Variants in DLC1 observed in about 807,000 individuals in gnomAD.
DLC1 encodes the protein DLC1 Rho GTPase activating protein.
Under a neutral mutation model 140.3 loss-of-function variants are expected in DLC1, and 54 were observed. The observed-to-expected ratio is 0.38, with a 90% CI of 0.31 to 0.48. The LOEUF is 0.48. Among genes scored for constraint, DLC1 ranks in the 20% least tolerant of loss-of-function variants. The probability of loss-of-function intolerance (pLI) is 0.96; values close to 1 mark genes in which losing one functional copy is unlikely to be tolerated. For missense variants in DLC1, 2,536 were observed against 1,907.0 expected, an observed-to-expected ratio of 1.33 and a Z score of -6.14; for synonymous variants, 986 against 728.1, an observed-to-expected ratio of 1.35 and a Z score of -5.70.
intron 2 of DLC1, among the ~76,000 whole-genome samples, chr8:13,441,373 A>T (rs919328721): frequency 1.3e-5 from 2 of 152,200 alleles, no homozygotes; most frequent in Non-Finnish European, 2.9e-5. Flanking sequence ...ATCAGGCAGG[A>T]GAAGGAAATA....
At chr8:13,121,435 C>G (rs966881682) in intron 5 of DLC1, among the ~76,000 whole-genome samples, 1 of 152,130 alleles carries the variant, frequency 6.6e-6, no homozygotes, top group Non-Finnish European at 1.5e-5. Flanking sequence ...TGGGTGGGTT[C>G]CAGAGGGCGT....
At chr8:13,407,634 G>A (rs777105947) in intron 2 of DLC1, among the ~76,000 whole-genome samples, 5 of 152,142 alleles carry the variant, frequency 3.3e-5, no homozygotes, top group Non-Finnish European at 5.9e-5. Context: ...TTGCTTGAAC[G>A]CTTTGCTTGT....
At chr8:13,153,561 A>G (rs1319173215) in intron 5 of DLC1, among the ~76,000 whole-genome samples, 1 of 152,224 alleles carries the variant, frequency 6.6e-6, no homozygotes, top group East Asian at 1.9e-4. Context: ...GGTCCCACCC[A>G]CATCCTGCTG....
chr8:13,420,376 A>G (rs949683274), intron 2 of DLC1, among the ~76,000 whole-genome samples: 1 of 152,128 alleles, frequency 6.6e-6, no homozygotes, highest in Non-Finnish European at 1.5e-5. Context: ...AAGTTCAATT[A>G]TATGAAATTG....
At chr8:13,349,578 G>A (rs961567939) in intron 4 of DLC1, among the ~76,000 whole-genome samples, 1 of 152,152 alleles carries the variant, frequency 6.6e-6, no homozygotes, top group East Asian at 1.9e-4. Context: ...TTCCCTTCCA[G>A]CCCCACTTCA....
At chr8:13,523,195 C>T (rs1370745878) in intron 1 of DLC1, among the ~76,000 whole-genome samples, 1 of 151,976 alleles carries the variant, frequency 6.6e-6, no homozygotes, top group Non-Finnish European at 1.5e-5. Flanking sequence ...TGTGGTAATC[C>T]AGGTGAGAGA....
intron 4 of DLC1, among the ~76,000 whole-genome samples, chr8:13,349,857 A>G (rs1563264): frequency 6.6e-6 from 1 of 152,218 alleles, no homozygotes; most frequent in African/African-American, 2.4e-5. Flanking sequence ...AGTGAGTTGC[A>G]CTTTAGATAT....
chr8:13,453,314 G>T (rs1372098145), intron 2 of DLC1, among the ~76,000 whole-genome samples: 2 of 142,306 alleles, frequency 1.4e-5, no homozygotes, highest in Non-Finnish European at 3.0e-5. Flanking sequence ...TATTCCTTAG[G>T]AGGTGTTTTT....
chr8:13,173,406 T>C (rs1825594265), intron 5 of DLC1, among the ~76,000 whole-genome samples: 1 of 134,806 alleles, frequency 7.4e-6, no homozygotes. Context: ...GGAGTCTTGC[T>C]CTATCTCCAG....
intron 12 of DLC1, 93 bp from the exon 13 acceptor site, chr8:13,092,918 T>C: frequency 7.3e-7 from 1 of 1,368,300 alleles, no homozygotes; most frequent in Non-Finnish European, 1.0e-6. Flanking sequence ...ATCAAATACC[T>C]CAGCCCAGTA....
Position 13,582,694 on chromosome 8 carries a change from A to T in DLC1, c.-126+21843T>A, listed in dbSNP as rs544961069. Reference sequence around the variant, plus strand: ...ATACTTAATAAACTTCCATATATATATATATTTTTTCCATTCATTCTGTCC... The same window carrying T: ...ATACTTAATAAACTTCCATATATATTTATATTTTTTCCATTCATTCTGTCC... On this transcript the variant is annotated intron_variant, in intron 1 of 1. Transcript: ENST00000631382. Among the ~76,000 whole-genome samples the T allele has an allele frequency of 1.3e-3, 199 of 151,328 alleles. 1 individual carries two copies. Among genetic ancestry groups the T allele is most frequent in the African/African-American group, 4.7e-3 (193 of 41,224 alleles).
intron 2 of DLC1, among the ~76,000 whole-genome samples, chr8:13,493,428 A>G (rs2062069): frequency 0.85 from 128,566 of 152,012 alleles, 55,257 homozygotes; most frequent in Non-Finnish European, 0.94. Context: ...TTTTCAGTTG[A>G]TACATAAACA....
At chr8:13,362,676 G>A (rs1671422) in intron 4 of DLC1, among the ~76,000 whole-genome samples, 73,277 of 151,706 alleles carry the variant, frequency 0.48, 18,471 homozygotes, top group East Asian at 0.81. Flanking sequence ...AGAGGGAAGG[G>A]GAACTTGTAT....
chr8:13,222,627 T>C (rs1828609328), intron 5 of DLC1, among the ~76,000 whole-genome samples: 1 of 152,206 alleles, frequency 6.6e-6, no homozygotes, highest in Non-Finnish European at 1.5e-5. Context: ...AGTTTTGCTA[T>C]AGCTTCTGCT....
chr8:13,179,373 C>A (rs1585851049), intron 5 of DLC1, among the ~76,000 whole-genome samples: 1 of 151,984 alleles, frequency 6.6e-6, no homozygotes, highest in Non-Finnish European at 1.5e-5. Flanking sequence ...AACCCTAACC[C>A]TAAAAATTTA....
chr8:13,464,163 T>G (rs1799813503), intron 2 of DLC1, among the ~76,000 whole-genome samples: 1 of 152,162 alleles, frequency 6.6e-6, no homozygotes, highest in African/African-American at 2.4e-5. Flanking sequence ...ACCCTGGGCT[T>G]TTTAGGCAGA....
chr8:13,316,580 C>T (rs1165338786), intron 4 of DLC1, among the ~76,000 whole-genome samples: 3 of 152,002 alleles, frequency 2.0e-5, no homozygotes, highest in African/African-American at 7.3e-5. Flanking sequence ...CATGGCAAGC[C>T]GTAGAAGGAG....
chr8:13,353,074 C>A (rs539522095), intron 4 of DLC1, among the ~76,000 whole-genome samples: 1 of 152,162 alleles, frequency 6.6e-6, no homozygotes, highest in Admixed American at 6.5e-5. Flanking sequence ...ACTCTGCTTC[C>A]TTAGTTTTTC....
intron 1 of DLC1, among the ~76,000 whole-genome samples, chr8:13,591,471 T>C (rs755698755): frequency 5.9e-5 from 9 of 152,064 alleles, no homozygotes; most frequent in Non-Finnish European, 1.2e-4. Flanking sequence ...AAGAACATGT[T>C]TGCTTCCCCT....
Sources: allele counts gnomAD v4.1 joint callset (sites outside exome capture counted in the v4.1 genomes callset), GRCh38; gene constraint gnomAD v4.1.1; transcripts MANE v1.5; gene names NCBI Gene and HGNC (gene_info 2026-07-23, HGNC 2026-07-21).